Variants in ZNF385D observed in about 807,000 individuals in gnomAD.
ZNF385D encodes zinc finger protein 385D, also known as zinc finger protein 659.
In ZNF385D, 15 loss-of-function variants were observed where a neutral mutation model predicts 35.8. That is an observed-to-expected ratio of 0.42 (90% confidence interval 0.28 to 0.64). The LOEUF is 0.64. Among genes scored for constraint, ZNF385D ranks in the 30% least tolerant of loss-of-function variants. ZNF385D has a pLI of 0.23. For missense variants in ZNF385D, 474 were observed against 494.6 expected (o/e 0.96, Z 0.39); for synonymous variants, 212 against 186.8 (o/e 1.13, Z -1.10).
At chr3:21,942,903 C>A (rs1701589005) in intron 3 of ZNF385D, among the ~76,000 whole-genome samples, 1 of 152,182 alleles carries the variant, frequency 6.6e-6, no homozygotes, top group South Asian at 2.1e-4. Context: ...AGGCCAACTT[C>A]ATCAGTCTTA....
intron 3 of ZNF385D, among the ~76,000 whole-genome samples, chr3:22,060,475 CT>C (rs1312853951): frequency 3.3e-5 from 5 of 152,252 alleles, no homozygotes; most frequent in African/African-American, 9.6e-5. Flanking sequence ...ATAGTGAGGA[CT>C]TTTTCCAAAG....
intron 3 of ZNF385D, among the ~76,000 whole-genome samples, chr3:22,037,332 T>C (rs1033125816): frequency 4.7e-5 from 7 of 149,104 alleles, no homozygotes; most frequent in African/African-American, 7.4e-5. Flanking sequence ...CCACCAACAG[T>C]GTAAAAGTGT....
At chr3:21,975,370 T>C (rs773805007) in intron 3 of ZNF385D, among the ~76,000 whole-genome samples, 23 of 151,962 alleles carry the variant, frequency 1.5e-4, no homozygotes, top group Non-Finnish European at 2.4e-4. Flanking sequence ...ATGCAACTCA[T>C]GGAGAGAGAG....
intron 2 of ZNF385D, among the ~76,000 whole-genome samples, chr3:22,238,930 T>C (rs1446455343): frequency 1.3e-5 from 2 of 150,114 alleles, no homozygotes; most frequent in African/African-American, 2.5e-5. Context: ...TCTTGCCATG[T>C]TGTACAGGCT....
In ZNF385D at chr3:22,264,008, G is replaced by A. The variant is rs184280730; in HGVS notation, c.107-94973C>T. On this transcript the variant is annotated intron_variant, in intron 2 of 5. Coordinates refer to the ZNF385D transcript ENST00000494108. ...TTCTTTCCCTGCTTATTGTCTAGCTGTCATAACTGTAGTCATGAGCAATGT... is the reference window on the plus strand; with the variant it reads ...TTCTTTCCCTGCTTATTGTCTAGCTATCATAACTGTAGTCATGAGCAATGT... 4.7e-4 allele frequency among the ~76,000 whole-genome samples: 71 copies of A among 152,074 alleles called. 1 individual carries two copies. In the East Asian group the frequency reaches 0.012, roughly 25 times the overall value.
Position 21,836,701 on chromosome 3 carries a change from T to TA in ZNF385D, c.326-171674dup, listed in dbSNP as rs1350210127. 2.0e-5 allele frequency among the ~76,000 whole-genome samples: 3 copies of TA among 152,260 alleles called. No homozygotes were observed. The East Asian group carries it at 5.8e-4, about 29-fold the overall frequency. ...AGCTGTGTTCTCATAAAACTTTACTTATAGACACTAAGATTTGAATTTTAT... is the reference window on the plus strand; with the variant it reads ...AGCTGTGTTCTCATAAAACTTTACTTAATAGACACTAAGATTTGAATTTTAT... On this transcript the variant is annotated intron_variant, in intron 3 of 5. Transcript: ENST00000494108.
intron 3 of ZNF385D, among the ~76,000 whole-genome samples, chr3:22,097,161 C>T (rs1193246277): frequency 8.5e-5 from 13 of 152,060 alleles, no homozygotes; most frequent in East Asian, 1.9e-4. Flanking sequence ...GCATGAGCTG[C>T]GCTTGCAGAA....
intron 3 of ZNF385D, among the ~76,000 whole-genome samples, chr3:22,104,349 T>C (rs73822857): frequency 0.019 from 2,865 of 152,276 alleles, 98 homozygotes; most frequent in African/African-American, 0.065. Context: ...GACGTTTTAT[T>C]ACTCGTTCAC....
chr3:22,195,267 A>G (rs372768656), intron 2 of ZNF385D, among the ~76,000 whole-genome samples: 2 of 152,112 alleles, frequency 1.3e-5, no homozygotes, highest in South Asian at 4.1e-4. Flanking sequence ...TCAAAGGAAG[A>G]AACATATTTT....
intron 3 of ZNF385D, among the ~76,000 whole-genome samples, chr3:21,895,319 CTTTTT>C (rs34167369): frequency 3.2e-5 from 2 of 62,690 alleles, no homozygotes; most frequent in African/African-American, 6.4e-5. Flanking sequence ...AAATGTGTGG[CTTTTT>C]TTTTTTTTTT....
At chr3:22,331,169 A>C (rs182412976) in intron 2 of ZNF385D, among the ~76,000 whole-genome samples, 1 of 152,188 alleles carries the variant, frequency 6.6e-6, no homozygotes, top group African/African-American at 2.4e-5. Context: ...AAATACTTCA[A>C]TTCCTTTATT....
intron 3 of ZNF385D, among the ~76,000 whole-genome samples, chr3:21,757,204 T>C (rs949988874): frequency 6.3e-5 from 9 of 142,804 alleles, no homozygotes; most frequent in Admixed American, 5.3e-4. Flanking sequence ...CAATCTCAGC[T>C]CACCACAACC....
chr3:22,362,999 G>A (rs1046642994), intron 2 of ZNF385D, among the ~76,000 whole-genome samples: 1 of 152,218 alleles, frequency 6.6e-6, no homozygotes, highest in Middle Eastern at 3.4e-3. Flanking sequence ...GATGTTCTAC[G>A]AGATCAGCAA....
intron 2 of ZNF385D, among the ~76,000 whole-genome samples, chr3:22,283,548 G>A (rs1411507918): frequency 1.3e-5 from 2 of 152,064 alleles, no homozygotes; most frequent in East Asian, 1.9e-4. Context: ...GACTTTTCAT[G>A]AGCAAAGCAT....
At chr3:22,093,717 T>A (rs1701450924) in intron 3 of ZNF385D, among the ~76,000 whole-genome samples, 1 of 152,142 alleles carries the variant, frequency 6.6e-6, no homozygotes, top group Non-Finnish European at 1.5e-5. Context: ...TTATTATTTT[T>A]ATTTTTTCAG....
At chr3:22,218,472 T>A (rs1698036569) in intron 2 of ZNF385D, among the ~76,000 whole-genome samples, 1 of 152,062 alleles carries the variant, frequency 6.6e-6, no homozygotes, top group African/African-American at 2.4e-5. Context: ...TATATATGTG[T>A]GTATATGTGT....
At chr3:21,645,092 A>G (rs1488251670) in intron 2 of ZNF385D, among the ~76,000 whole-genome samples, 1 of 152,090 alleles carries the variant, frequency 6.6e-6, no homozygotes, top group African/African-American at 2.4e-5. Context: ...AAATCAGAAA[A>G]CTCAGTATAT....
chr3:21,670,737 A>G (rs1447665672), intron 1 of ZNF385D, among the ~76,000 whole-genome samples: 1 of 133,866 alleles, frequency 7.5e-6, no homozygotes, highest in East Asian at 2.4e-4. Flanking sequence ...CTGAGTTCCC[A>G]GCCATGAAGG....
intron 2 of ZNF385D, among the ~76,000 whole-genome samples, chr3:22,178,720 T>A (rs967069507): frequency 9.9e-5 from 15 of 152,240 alleles, no homozygotes; most frequent in Non-Finnish European, 1.9e-4. Context: ...TGGATTTAGG[T>A]CTAACATGTA....
Sources: allele counts gnomAD v4.1 joint callset (sites outside exome capture counted in the v4.1 genomes callset), GRCh38; gene constraint gnomAD v4.1.1; transcripts MANE v1.5; gene names NCBI Gene and HGNC (gene_info 2026-07-23, HGNC 2026-07-21).